KCNK18: variants seen among roughly 807,000 people sequenced by gnomAD.
The protein encoded by KCNK18 is potassium two pore domain channel subfamily K member 18, also known as potassium channel subfamily K member 18.
KCNK18 carries 8 observed loss-of-function variants against 11.8 expected under a neutral mutation model. The ratio of observed to expected loss-of-function variants is 0.68; its 90% CI spans 0.40 to 1.22. The LOEUF is 1.22. Among genes scored for constraint, KCNK18 ranks in the 50% most tolerant of loss-of-function variants. KCNK18 has a pLI of 0.01. For missense variants in KCNK18, 442 were observed against 465.4 expected (o/e 0.95, Z 0.46); for synonymous variants, 208 against 185.8 (o/e 1.12, Z -0.97).
chr10:117,203,026 C>T (rs560984443), intron 2 of KCNK18, among the ~76,000 whole-genome samples: 3 of 151,640 alleles, frequency 2.0e-5, no homozygotes, highest in Admixed American at 6.6e-5. Context: ...CAGGCATGTA[C>T]CACCACGCTT....
chr10:117,201,954 GC>G (rs1855017968), intron 2 of KCNK18, among the ~76,000 whole-genome samples: 1 of 152,202 alleles, frequency 6.6e-6, no homozygotes, highest in Non-Finnish European at 1.5e-5. Context: ...GGTTGGAGGG[GC>G]CAAACCAGGC....
intron 2 of KCNK18, among the ~76,000 whole-genome samples, chr10:117,203,784 G>A (rs752592665): frequency 3.9e-5 from 6 of 152,210 alleles, no homozygotes; most frequent in Non-Finnish European, 8.8e-5. Flanking sequence ...TGATCCATCC[G>A]TCTCGGCCTT....
At chr10:117,208,757 T>TG (rs1855106790) in intron 2 of KCNK18, among the ~76,000 whole-genome samples, 2 of 151,514 alleles carry the variant, frequency 1.3e-5, no homozygotes. Flanking sequence ...TTTTTTTTTT[T>TG]GAGATGGAGT....
At chr10:117,197,847 C>A (rs771439280) in intron 1 of KCNK18, 136 bp downstream of exon 1, 2 of 726,284 alleles carry the variant, frequency 2.8e-6, no homozygotes, top group Non-Finnish European at 4.9e-6. Flanking sequence ...GCACTTTAAG[C>A]GAGTAACTTC....
At chr10:117,207,380 T>G (rs576772500) in intron 2 of KCNK18, among the ~76,000 whole-genome samples, 2 of 152,314 alleles carry the variant, frequency 1.3e-5, no homozygotes, top group South Asian at 4.1e-4. Context: ...GCTCTTTCAC[T>G]TCCTGTTATT....
intron 2 of KCNK18, among the ~76,000 whole-genome samples, chr10:117,206,321 G>A (rs998025927): frequency 6.6e-6 from 1 of 152,060 alleles, no homozygotes; most frequent in South Asian, 2.1e-4. Flanking sequence ...CATCACTCTT[G>A]TCTCTGCCTC....
chr10:117,204,252 G>C (rs1855049451), intron 2 of KCNK18, among the ~76,000 whole-genome samples: 1 of 139,258 alleles, frequency 7.2e-6, no homozygotes, highest in South Asian at 2.3e-4. Flanking sequence ...ACAAGAGTTG[G>C]CCTGGATGGC....
chr10:117,204,482 G>T (rs565800788), intron 2 of KCNK18, among the ~76,000 whole-genome samples: 34 of 152,200 alleles, frequency 2.2e-4, no homozygotes, highest in African/African-American at 8.2e-4. Flanking sequence ...AGCCACAATA[G>T]TCTCCAGGCA....
intron 1 of KCNK18, among the ~76,000 whole-genome samples, chr10:117,200,828 AG>A (rs1234495514): frequency 1.4e-5 from 2 of 147,000 alleles, no homozygotes; most frequent in Non-Finnish European, 3.0e-5. Context: ...AAAAAAAAAC[AG>A]ATGAAAGAAA....
intron 1 of KCNK18, among the ~76,000 whole-genome samples, 193 bp downstream of exon 1, chr10:117,197,904 CCT>C (rs1854968960): frequency 2.0e-5 from 3 of 152,232 alleles, no homozygotes; most frequent in Middle Eastern, 3.4e-3. Flanking sequence ...AGACTAACTG[CCT>C]CTCAGGGTTG....
chr10:117,200,501 T>G (rs1221975079), intron 1 of KCNK18, among the ~76,000 whole-genome samples: 1 of 152,184 alleles, frequency 6.6e-6, no homozygotes, highest in Non-Finnish European at 1.5e-5. Context: ...AGAGCAGAAG[T>G]TATCTTCCTT....
intron 2 of KCNK18, among the ~76,000 whole-genome samples, chr10:117,206,384 C>T (rs1384366608): frequency 2.0e-5 from 3 of 152,126 alleles, no homozygotes; most frequent in Non-Finnish European, 4.4e-5. Context: ...TCAGCCTCTC[C>T]CTTATCAGGA....
At chr10:117,200,676 G>T (rs1453325145) in intron 1 of KCNK18, among the ~76,000 whole-genome samples, 2 of 152,060 alleles carry the variant, frequency 1.3e-5, no homozygotes, top group South Asian at 4.2e-4. Flanking sequence ...CATGGGTGTG[G>T]TAGTACGCCC....
At position 117,210,293 on chromosome 10, in the gene KCNK18, A is replaced by G. The variant is rs1843748824; in HGVS notation, c.1149A>G (p.Lys383=). The change falls in exon 3 of 3, where the codon AAA becomes AAG. Residue 383 remains lysine (K), a synonymous_variant. Transcript: ENST00000334549. ...FAKGKFYHLV[K]K ...AAGGGAAGTTTTACCACCTTGTTAA[A>G]AAGTGAAGGTTTCATTATCTCTCAG... 25 of 1,611,882 alleles carry G rather than the reference A, an allele frequency of 1.6e-5. No individual in the cohort carries two copies. The highest frequency in any genetic ancestry group is 2.1e-5 in the Non-Finnish European group (25 of 1,178,716).
intron 1 of KCNK18, among the ~76,000 whole-genome samples, chr10:117,200,344 T>C (rs1480582754): frequency 6.6e-6 from 1 of 152,176 alleles, no homozygotes; most frequent in African/African-American, 2.4e-5. Context: ...CTCCAAAGTG[T>C]TGCAATTATA....
chr10:117,197,557 C>T lies in KCNK18; in HGVS notation c.69C>T (p.Gly23=), dbSNP rs189847384. The change falls in exon 1 of 3, where the codon GGC becomes GGT. Residue 23 remains glycine (G), a synonymous_variant. Coordinates refer to ENST00000334549, the MANE Select transcript of KCNK18 (RefSeq NM_181840.1). ...AGGCCCTGGGAAAGCTCTTCCCTGG[C>T]CTCTGCTTCCTCTGCTTTCTGGTGA... ...CPEALGKLFP[G]LCFLCFLVTY... The T allele has an allele frequency of 6.2e-7, 1 of 1,614,234 alleles. No homozygotes were observed. The highest frequency in any genetic ancestry group is 8.5e-7 in the Non-Finnish European group (1 of 1,180,044).
At chr10:117,201,100 G>A (rs566543963) in intron 1 of KCNK18, 59 bp from the exon 2 acceptor site, 81 of 1,606,008 alleles carry the variant, frequency 5.0e-5, no homozygotes, top group South Asian at 2.4e-4. Flanking sequence ...TCACTGGGGC[G>A]GGGCTTGTCT....
intron 2 of KCNK18, among the ~76,000 whole-genome samples, chr10:117,206,053 TAAAA>T (rs899626194): frequency 6.7e-6 from 1 of 149,654 alleles, no homozygotes; most frequent in Non-Finnish European, 1.5e-5. Context: ...GATCTCATCT[TAAAA>T]AAAAAAGATA....
At position 117,209,516 on chromosome 10, in the gene KCNK18, C is replaced by T. The variant is rs763861678; in HGVS notation, c.372C>T (p.Pro124=). 6.6e-5 allele frequency: 106 copies of T among 1,614,016 alleles called. No homozygotes were observed. Among genetic ancestry groups the T allele is most frequent in the Middle Eastern group, 1.6e-4 (1 of 6,084 alleles). ...FSTVGYGYIY[P]VTRLGKYLCM... ...TTTCAGGCTATGGCTACATCTACCC[C>T]GTCACCAGGCTTGGCAAGTACTTGT... Residue 124 remains proline, a synonymous_variant, in exon 3 of 3, where the codon CCC becomes CCT. Transcript: ENST00000334549.
Sources: gnomAD v4.1 joint callset for allele counts (sites outside exome capture counted in the v4.1 genomes callset) on GRCh38, gnomAD v4.1.1 for gene constraint, MANE v1.5 for transcripts, NCBI Gene and HGNC (gene_info 2026-07-23, HGNC 2026-07-21) for gene names.